Variants in CPA5 observed in about 807,000 individuals in gnomAD.
The protein encoded by CPA5 is testicular tissue protein Li 32.
A neutral mutation model predicts 52.2 loss-of-function variants in CPA5; 38 were observed. That is an observed-to-expected ratio of 0.73 (90% CI 0.56 to 0.95). The LOEUF (loss-of-function observed/expected upper bound fraction) is 0.95. Among genes scored for constraint, CPA5 ranks in the 40% least tolerant of loss-of-function variants. The pLI is 0.00. For missense variants in CPA5, 519 were observed against 566.7 expected, an observed-to-expected ratio of 0.92 and a Z score of 0.86; for synonymous variants, 198 against 213.7, an observed-to-expected ratio of 0.93 and a Z score of 0.64.
chr7:130,352,851 A>AT (rs1795250428), intron 5 of CPA5, among the ~76,000 whole-genome samples: 1 of 145,284 alleles, frequency 6.9e-6, no homozygotes, highest in South Asian at 2.2e-4. Flanking sequence ...TTTTTTTTTT[A>AT]TTTTTTCCCT....
Position 130,363,515 on chromosome 7 carries a change from G to T in CPA5, c.838+6G>T, listed in dbSNP as rs1554407437. ...CTGGAAGTCGGGTTTTGGAGGTATG[G>T]CAACCTGCTGTCCTGGGGCAGGGTT... On this transcript the variant is annotated splice_donor_region_variant and intron_variant, in intron 10 of 12. Coordinates refer to ENST00000474905, the MANE Select transcript of CPA5 (RefSeq NM_080385.5). 1 of 1,575,810 alleles carries T rather than the reference G, an allele frequency of 6.3e-7. No homozygotes were observed. The highest frequency in any genetic ancestry group is 1.9e-5 in the Admixed American group (1 of 53,422).
chr7:130,372,456 G>A (rs980336976), downstream of CPA5, among the ~76,000 whole-genome samples: 4 of 152,318 alleles, frequency 2.6e-5, no homozygotes, highest in Non-Finnish European at 5.9e-5. Context: ...GCAGTCCAGG[G>A]CTGGACAGTG....
At chr7:130,348,080 G>A (rs1794884908) in intron 4 of CPA5, among the ~76,000 whole-genome samples, 1 of 152,108 alleles carries the variant, frequency 6.6e-6, no homozygotes, top group South Asian at 2.1e-4. Context: ...ACTCTCTCCT[G>A]GATAGGGAGC....
intron 8 of CPA5, 49 bp downstream of exon 8, chr7:130,362,588 TG>T: frequency 1.5e-6 from 2 of 1,357,222 alleles, no homozygotes; most frequent in Non-Finnish European, 2.1e-6. Flanking sequence ...GGGCTGCAAC[TG>T]GGGGCAGGAA....
Position 130,367,560 on chromosome 7 carries a change from CAGAG to C in CPA5, c.1028_1031del (p.Gln343ArgfsTer89). 6.2e-7 allele frequency: 1 copy of C among 1,613,930 alleles called. No individual in the cohort carries two copies. On this transcript the variant is annotated frameshift_variant, in exon 11 of 13. Coordinates refer to ENST00000474905, the MANE Select transcript of CPA5 (RefSeq NM_080385.5). LOFTEE classifies it high-confidence loss of function. Reference sequence around the variant, plus strand: ...CCGATTGCTGGAGCCCGTTTCAAATCAGAGGGAGTTGGTGAGACTGGCTGCTTAG... The same window carrying C: ...CCGATTGCTGGAGCCCGTTTCAAATCGGAGTTGGTGAGACTGGCTGCTTAG...
downstream of CPA5, among the ~76,000 whole-genome samples, chr7:130,371,756 C>G (rs1554409963): frequency 6.6e-6 from 1 of 152,156 alleles, no homozygotes; most frequent in Non-Finnish European, 1.5e-5. Flanking sequence ...AGGGTTTCTC[C>G]ATGTTGGTCA....
At chr7:130,354,503 C>T (rs1409756569) in intron 5 of CPA5, among the ~76,000 whole-genome samples, 4 of 152,122 alleles carry the variant, frequency 2.6e-5, no homozygotes, top group African/African-American at 9.7e-5. Context: ...AAGCAATTCT[C>T]ATGCCTCAGC....
intron 5 of CPA5, among the ~76,000 whole-genome samples, chr7:130,350,687 C>T (rs1256436894): frequency 2.0e-5 from 3 of 152,222 alleles, no homozygotes; most frequent in Non-Finnish European, 4.4e-5. Context: ...GGAGAAGCAG[C>T]TACAGACCTG....
chr7:130,364,349 C>A (rs1490058711), intron 10 of CPA5, among the ~76,000 whole-genome samples: 2 of 152,150 alleles, frequency 1.3e-5, no homozygotes, highest in South Asian at 4.2e-4. Context: ...CCCACCACCA[C>A]GCTGGGCTAA....
At chr7:130,366,673 C>G (rs1177524091) in intron 10 of CPA5, among the ~76,000 whole-genome samples, 1 of 152,230 alleles carries the variant, frequency 6.6e-6, no homozygotes, top group Non-Finnish European at 1.5e-5. Context: ...TCCCATATCC[C>G]CAGACCCCAA....
intron 5 of CPA5, among the ~76,000 whole-genome samples, chr7:130,358,151 C>G (rs1308738882): frequency 1.3e-5 from 2 of 151,948 alleles, no homozygotes; most frequent in African/African-American, 4.8e-5. Context: ...CGTCACCAAG[C>G]CTGACTAATT....
In CPA5 at chr7:130,368,494, A is replaced by G; in HGVS notation, c.1208A>G (p.Gln403Arg). 6.2e-7 allele frequency: 1 copy of G among 1,614,168 alleles called. No individual in the cohort carries two copies. Reference sequence around the variant, plus strand: ...AGCTTTGAGCTCCGGGACACTGGGCAGTATGGCTTCCTGCTGCCGGCCACA... The same window carrying G: ...AGCTTTGAGCTCCGGGACACTGGGCGGTATGGCTTCCTGCTGCCGGCCACA... ...AFSFELRDTG[Q>R]YGFLLPATQI... is the part of the protein sequence containing the mutation. The change falls in exon 13 of 13, where the codon CAG becomes CGG. Residue 403 changes from glutamine to arginine, a missense_variant. Transcript: ENST00000474905.
intron 9 of CPA5, 56 bp from the exon 10 acceptor site, chr7:130,363,363 T>C: frequency 7.0e-7 from 1 of 1,436,212 alleles, no homozygotes; most frequent in Non-Finnish European, 9.6e-7. Flanking sequence ...TATCAGAGGC[T>C]CCCATCCCTG....
intron 10 of CPA5, among the ~76,000 whole-genome samples, chr7:130,364,743 G>A (rs545827938): frequency 2.0e-5 from 3 of 152,366 alleles, no homozygotes; most frequent in East Asian, 1.9e-4. Context: ...ATCCCAGTGA[G>A]GGGGAGGGGG....
At chr7:130,370,668 G>T (rs951284432), downstream of CPA5, among the ~76,000 whole-genome samples, 1 of 152,194 alleles carries the variant, frequency 6.6e-6, no homozygotes, top group Admixed American at 6.5e-5. Context: ...ACTTGGGTTT[G>T]TCAAACTCCA....
chr7:130,348,131 G>A (rs1794888646), intron 4 of CPA5, among the ~76,000 whole-genome samples: 4 of 152,234 alleles, frequency 2.6e-5, no homozygotes, highest in Non-Finnish European at 5.9e-5. Context: ...CAAACAGCAG[G>A]AATTTCCTAA....
chr7:130,370,913 G>A (rs1024923553), downstream of CPA5, among the ~76,000 whole-genome samples: 2 of 152,196 alleles, frequency 1.3e-5, no homozygotes, highest in African/African-American at 2.4e-5. Context: ...CCAGTCTTCC[G>A]GGGGGAGTTG....
chr7:130,346,046 T>G, intron 2 of CPA5, 150 bp downstream of exon 2: 1 of 153,612 alleles, frequency 6.5e-6, no homozygotes, highest in East Asian at 1.9e-4. Context: ...ATCCACACCT[T>G]ATGTGTAAGG....
intron 5 of CPA5, among the ~76,000 whole-genome samples, chr7:130,350,639 AT>A (rs1394006429): frequency 1.3e-5 from 2 of 152,196 alleles, no homozygotes; most frequent in African/African-American, 4.8e-5. Flanking sequence ...CGCACGGGGC[AT>A]CCCCCCAGGC....
Sources: allele counts gnomAD v4.1 joint callset (sites outside exome capture counted in the v4.1 genomes callset), GRCh38; gene constraint gnomAD v4.1.1; transcripts MANE v1.5; gene names NCBI Gene and HGNC (gene_info 2026-07-23, HGNC 2026-07-21).